The following FOLR3 variants were observed in gnomAD, a reference collection of about 807,000 sequenced individuals.
FOLR3 encodes folate receptor gamma, also known as folate receptor 3 (gamma).
FOLR3 carries 9 observed loss-of-function variants against 20.0 expected under a neutral mutation model. That is an observed-to-expected ratio of 0.45 (90% CI 0.27 to 0.79). The LOEUF (loss-of-function observed/expected upper bound fraction) is 0.79, where lower values mean the gene tolerates loss of function less well. FOLR3 is among the 30% of genes least tolerant of loss of function. The pLI, the probability that FOLR3 is intolerant of heterozygous loss-of-function variation, is 0.15. For missense variants in FOLR3, 309 were observed against 323.5 expected (o/e 0.96, Z 0.34); for synonymous variants, 124 against 115.5 (o/e 1.07, Z -0.47).
rs11368822 is a variant in FOLR3 at position 72,137,489 on chromosome 11, AT to A, written c.168+1383del. ...CCTCTCCTCCCTGTCCTCAGTTATA[AT>A]TTTTTTTTTTTTTAATTTGAGGCAG... On this transcript the variant is annotated intron_variant, in intron 2 of 4. Transcript: ENST00000611028. Among the ~76,000 whole-genome samples the A allele has an allele frequency of 6.3e-3, 907 of 143,044 alleles. 4 individuals are homozygous for A. Among genetic ancestry groups the A allele is most frequent in the African/African-American group, 0.016 (631 of 39,170 alleles). 93.8% of individuals were successfully genotyped at this position (143,044 alleles called of 152,430 possible).
In FOLR3 at chr11:72,135,728, G is replaced by C. The variant is rs605241; in HGVS notation, c.-47G>C. ...GGTCACAGAGCAAGCTGGTGTCAGA[G>C]CCTGGACCTACAGCGCTGTTGGTGG... On this transcript the variant is annotated 5_prime_UTR_variant, in exon 1 of 5. Coordinates refer to ENST00000611028, the MANE Select transcript of FOLR3 (RefSeq NM_000804.4). The C allele has an allele frequency of 5.1e-6, 3 of 587,870 alleles. No individual in the cohort carries two copies. The highest frequency in any genetic ancestry group is 9.1e-6 in the Non-Finnish European group (3 of 329,014). The allele number at this position is 587,870 out of a possible 1,614,324, so 36.4% of individuals were successfully genotyped here. A position where few individuals can be genotyped will look rare whatever the true frequency, so the allele number is the denominator to read the frequency against.
chr11:72,138,280 T>C (rs1292238834), intron 2 of FOLR3, among the ~76,000 whole-genome samples: 5 of 151,726 alleles, frequency 3.3e-5, no homozygotes, highest in Non-Finnish European at 7.4e-5. Flanking sequence ...GCAGGAGAAT[T>C]GCTTGAACCC....
intron 2 of FOLR3, among the ~76,000 whole-genome samples, chr11:72,137,423 G>A (rs1947755324): frequency 6.6e-6 from 1 of 151,274 alleles, no homozygotes; most frequent in South Asian, 2.1e-4. Flanking sequence ...AGCCAGACCA[G>A]CCCCTTGACC....
chr11:72,135,800 G>A (rs936808074), intron 1 of FOLR3, 32 bp downstream of exon 1: 18 of 824,266 alleles, frequency 2.2e-5, no homozygotes, highest in Admixed American at 4.1e-5. Context: ...ACCTCTACAC[G>A]CAGCGCATTT....
chr11:72,136,473 ATC>A (rs1207574621), intron 2 of FOLR3, among the ~76,000 whole-genome samples: 22 of 152,120 alleles, frequency 1.4e-4, no homozygotes, highest in Admixed American at 1.2e-3. Context: ...GCCCCATGAC[ATC>A]TGAGTCACTC....
intron 2 of FOLR3, chr11:72,138,744 C>A: frequency 1.7e-6 from 1 of 599,468 alleles, no homozygotes; most frequent in Admixed American, 2.9e-5. Context: ...TGCGCTCCAG[C>A]CTGGTCAACA....
chr11:72,139,012 C>G lies in FOLR3; in HGVS notation c.220C>G (p.Leu74Val). 6.2e-7 allele frequency: 1 copy of G among 1,614,042 alleles called. No individual in the cohort carries two copies. Among genetic ancestry groups the G allele is most frequent in the Admixed American group, 1.7e-5 (1 of 60,026 alleles). The change falls in exon 3 of 5, where the codon CTG becomes GTG. Residue 74 changes from leucine (L) to valine (V), a missense_variant. By Grantham distance (32) the Leu-to-Val change is conservative (BLOSUM62 1). Coordinates refer to ENST00000611028, the MANE Select transcript of FOLR3 (RefSeq NM_000804.4). ...CTGCACGGCCAGCACCAGCCAGGAG[C>G]TGCACAAGGACACCTCCCGCCTGTA... ...ACCTASTSQELHKDTSRLYNF... is the reference protein window; with the variant it reads ...ACCTASTSQEVHKDTSRLYNF...
At chr11:72,136,325 G>T (rs916661861) in intron 2 of FOLR3, among the ~76,000 whole-genome samples, 1 of 152,090 alleles carries the variant, frequency 6.6e-6, no homozygotes, top group Non-Finnish European at 1.5e-5. Flanking sequence ...TCAGGAGTGT[G>T]CTTGTATTTC....
In FOLR3 at chr11:72,139,421, G is replaced by A; in HGVS notation, c.432G>A (p.Glu144=). 1 of 1,612,386 alleles carries A rather than the reference G, an allele frequency of 6.2e-7. No homozygotes were observed. Among genetic ancestry groups the A allele is most frequent in the Non-Finnish European group, 8.5e-7 (1 of 1,179,100 alleles). Residue 144 remains glutamate, a synonymous_variant, in exon 4 of 5, where the codon GAG becomes GAA. Transcript: ENST00000611028. ...AAGAGGACTGTGAGCGCTGGTGGGAGGACTGTCGCACCTCCTACACCTGCA... is the reference window on the plus strand; with the variant it reads ...AAGAGGACTGTGAGCGCTGGTGGGAAGACTGTCGCACCTCCTACACCTGCA... ...LCKEDCERWW[E]DCRTSYTCKS... is the part of the protein sequence containing the mutation.
At position 72,139,613 on chromosome 11, in the gene FOLR3, C is replaced by G; in HGVS notation, c.520C>G (p.Leu174Val). ...SGINECPAGA[L>V]CSTFESYFPT... ...GATTAATGAGTGTCCGGCCGGGGCC[C>G]TCTGCAGCACCTTTGAGTCCTACTT... Residue 174 changes from leucine to valine, a missense_variant, in exon 5 of 5, where the codon CTC (leucine) becomes GTC (valine). Leu to Val is a conservative substitution (Grantham distance 32). Transcript: ENST00000611028. 1 of 1,613,716 alleles carries G rather than the reference C, an allele frequency of 6.2e-7. No homozygotes were observed. Among genetic ancestry groups the G allele is most frequent in the Non-Finnish European group, 8.5e-7 (1 of 1,179,898 alleles).
chr11:72,139,176 A>G, intron 3 of FOLR3, 27 bp downstream of exon 3: 1 of 1,600,792 alleles, frequency 6.2e-7, no homozygotes, highest in South Asian at 1.1e-5. Context: ...CACAAACATT[A>G]ACCTCAGCAG....
chr11:72,135,915 C>T, intron 1 of FOLR3, 32 bp from the exon 2 acceptor site: 1 of 1,608,234 alleles, frequency 6.2e-7, no homozygotes, highest in Non-Finnish European at 8.5e-7. Flanking sequence ...TGTCTCAGGC[C>T]TTGTCTACCT....
intron 1 of FOLR3, 24 bp from the exon 2 acceptor site, chr11:72,135,923 C>T: frequency 6.2e-7 from 1 of 1,612,314 alleles, no homozygotes. Context: ...GCCTTGTCTA[C>T]CTCTGACTGT....
Position 72,139,334 on chromosome 11 carries a change from C to T in FOLR3, c.358-13C>T. On this transcript the variant is annotated splice_polypyrimidine_tract_variant and intron_variant, in intron 3 of 4. Coordinates refer to ENST00000611028, the MANE Select transcript of FOLR3 (RefSeq NM_000804.4). ...CGTGGCTGACAGGAGTATTCTGTCT[C>T]CTCCCCACTCAGGTCAACCAGAGCT... 1.2e-6 allele frequency: 2 copies of T among 1,609,658 alleles called. No individual in the cohort carries two copies. Among genetic ancestry groups the T allele is most frequent in the Non-Finnish European group, 8.5e-7 (1 of 1,177,764 alleles).
rs1947796223 is a variant in FOLR3 at position 72,139,771 on chromosome 11, C to A, written c.678C>A (p.Ala226=). The A allele has an allele frequency of 6.2e-7, 1 of 1,613,928 alleles. No homozygotes were observed. Among genetic ancestry groups the A allele is most frequent in the Admixed American group, 1.7e-5 (1 of 59,986 alleles). Residue 226 remains alanine, a synonymous_variant, in exon 5 of 5, where the codon GCC becomes GCA. Coordinates refer to ENST00000611028, the MANE Select transcript of FOLR3 (RefSeq NM_000804.4). ...AGGGCAACCCCAATGAGGAGGTGGC[C>A]AAGTTCTATGCTGCGGCCATGAATG... The part of the protein sequence containing the change: ...SAQGNPNEEV[A]KFYAAAMNAG...
chr11:72,136,110 T>G lies in FOLR3; in HGVS notation c.158T>G (p.Leu53Arg). ...HKTQPSPEDELYGQCSPWKKN... is the reference protein window; with the variant it reads ...HKTQPSPEDERYGQCSPWKKN... ...ACACAGCCCAGCCCCGAGGACGAGC[T>G]GTATGGCCAGGTGAGGGCAGCCTGG... Residue 53 changes from leucine to arginine, a missense_variant, in exon 2 of 5, where the codon CTG (leucine) becomes CGG (arginine). Transcript: ENST00000611028. 6.2e-7 allele frequency: 1 copy of G among 1,613,960 alleles called. No individual in the cohort carries two copies.
rs749482418 is a variant in FOLR3 at position 72,139,602 on chromosome 11, C to T, written c.509C>T (p.Pro170Leu). 27 of 1,613,614 alleles carry T rather than the reference C, an allele frequency of 1.7e-5. 1 individual carries two copies. The East Asian group carries it at 3.1e-4, about 19-fold the overall frequency. Residue 170 changes from proline (P) to leucine (L), a missense_variant, in exon 5 of 5, where the codon CCG becomes CTG. Transcript: ENST00000611028. ...WNWTSGINECPAGALCSTFES... is the reference protein window; with the variant it reads ...WNWTSGINECLAGALCSTFES... ...CCTCCCTCAGGGATTAATGAGTGTC[C>T]GGCCGGGGCCCTCTGCAGCACCTTT...
rs753242964 is a variant in FOLR3, at chr11:72,139,372, G to A, written c.383G>A (p.Arg128His). ...GTCAACCAGAGCTGGCGCAAAGAGC[G>A]CATTCTGAACGTGCCCCTGTGCAAA... Reference protein sequence around the residue: ...RQVNQSWRKERILNVPLCKED... With the variant: ...RQVNQSWRKEHILNVPLCKED... Residue 128 changes from arginine (R) to histidine (H), a missense_variant, in exon 4 of 5, where the codon CGC becomes CAC. Coordinates refer to ENST00000611028, the MANE Select transcript of FOLR3 (RefSeq NM_000804.4). The A allele has an allele frequency of 2.6e-5, 42 of 1,611,666 alleles. No homozygotes were observed. The highest frequency in any genetic ancestry group is 5.0e-5 in the Admixed American group (3 of 59,576).
chr11:72,136,872 A>C (rs758826212), intron 2 of FOLR3, among the ~76,000 whole-genome samples: 1 of 152,180 alleles, frequency 6.6e-6, no homozygotes, highest in Non-Finnish European at 1.5e-5. Flanking sequence ...ACTCTTTTGG[A>C]GGCAACAACC....
Sources: gnomAD v4.1 joint callset for allele counts (sites outside exome capture counted in the v4.1 genomes callset) on GRCh38, gnomAD v4.1.1 for gene constraint, MANE v1.5 for transcripts, NCBI Gene and HGNC (gene_info 2026-07-23, HGNC 2026-07-21) for gene names.